The following LINGO1 variants were observed in gnomAD, a reference collection of about 807,000 sequenced individuals.
LINGO1 encodes leucine-rich repeat and immunoglobulin-like domain-containing nogo receptor-interacting protein 1.
LINGO1 carries 11 observed loss-of-function variants against 37.3 expected under a neutral mutation model. That is an observed-to-expected ratio of 0.29 (90% CI 0.19 to 0.49). The LOEUF is 0.49. LINGO1 is among the 20% of genes least tolerant of loss of function. LINGO1 has a pLI of 0.99. For missense variants in LINGO1, 585 were observed against 878.2 expected (o/e 0.67, Z 4.22); for synonymous variants, 387 against 403.0 (o/e 0.96, Z 0.48).
chr15:77,694,408 G>A (rs868358347), intron 1 of LINGO1, among the ~76,000 whole-genome samples: 5 of 152,110 alleles, frequency 3.3e-5, no homozygotes, highest in East Asian at 1.9e-4. Flanking sequence ...CAGATTCTCC[G>A]TGGCCTCACA....
In LINGO1 at chr15:77,614,058, T is replaced by C. The variant is rs1001008204; in HGVS notation, c.1849A>G (p.Met617Val). 2 of 1,592,036 alleles carry C rather than the reference T, an allele frequency of 1.3e-6. No homozygotes were observed. The highest frequency in any genetic ancestry group is 1.7e-6 in the Non-Finnish European group (2 of 1,168,986). The change falls in exon 2 of 2, where the codon ATG becomes GTG. Residue 617 changes from methionine to valine, a missense_variant. Physicochemically the swap from Met to Val is conservative, Grantham distance 21. Around this residue, in one of 4 missense-constraint regions of LINGO1, gnomAD observed 34 missense variants for 62.0 expected, o/e 0.55. Transcript: ENST00000355300. The stretch of plus-strand genomic sequence containing the variant: ...CCGCCCCGGCCTCATATCATCTTCA[T>C]GTTGAACTTGCGGGGCGCGTCGGCG... ...SSADAPRKFN[M>V]KMI
chr15:77,634,414 T>TAG, upstream of LINGO1: 1 of 448,440 alleles, frequency 2.2e-6, no homozygotes, highest in Non-Finnish European at 4.5e-6. Flanking sequence ...CTAGAGTCCC[T>TAG]CCTAGCAGGC....
intron 3 of LINGO1, chr15:77,648,152 A>G (rs2074678382): frequency 3.0e-6 from 1 of 337,804 alleles, no homozygotes. Flanking sequence ...AGATGAGGAG[A>G]CTGAGTCCCA....
At chr15:77,758,464 G>C (rs1438585235) in intron 1 of LINGO1, among the ~76,000 whole-genome samples, 1 of 152,148 alleles carries the variant, frequency 6.6e-6, no homozygotes, top group Non-Finnish European at 1.5e-5. Flanking sequence ...TCTGAGAGGA[G>C]AATGGCCAAG....
At chr15:77,782,774 A>G (rs1297822173) in intron 1 of LINGO1, among the ~76,000 whole-genome samples, 3 of 150,346 alleles carry the variant, frequency 2.0e-5, no homozygotes, top group African/African-American at 7.4e-5. Flanking sequence ...GGGTCCCTGC[A>G]CCCACCTCCC....
intron 3 of LINGO1, among the ~76,000 whole-genome samples, chr15:77,639,973 C>T (rs2074468862): frequency 6.6e-6 from 1 of 152,184 alleles, no homozygotes; most frequent in Non-Finnish European, 1.5e-5. Flanking sequence ...GCAACCCGCT[C>T]AATCCTCTCA....
chr15:77,714,943 C>T (rs1035915980), intron 2 of LINGO1, among the ~76,000 whole-genome samples: 2 of 152,216 alleles, frequency 1.3e-5, no homozygotes, highest in Non-Finnish European at 2.9e-5. Flanking sequence ...TTAGCCATAA[C>T]GTGCTAAAAT....
At chr15:77,776,472 G>GGCAGGAAGGCAGGAAGGCAGGAAA (rs2076644799) in intron 1 of LINGO1, among the ~76,000 whole-genome samples, 1 of 114,886 alleles carries the variant, frequency 8.7e-6, no homozygotes, top group African/African-American at 4.1e-5. Flanking sequence ...AAGGCAGGAA[G>GGCAGGAAGGCAGGAAGGCAGGAAA]GCAGGAAGGC....
intron 1 of LINGO1, among the ~76,000 whole-genome samples, chr15:77,616,472 C>T (rs760347822): frequency 6.6e-6 from 1 of 152,214 alleles, no homozygotes; most frequent in Non-Finnish European, 1.5e-5. Context: ...CCGGTGCAGA[C>T]GCCATGCCCC....
At chr15:77,662,745 G>A (rs894595787) in intron 3 of LINGO1, among the ~76,000 whole-genome samples, 6 of 152,192 alleles carry the variant, frequency 3.9e-5, no homozygotes, top group Non-Finnish European at 5.9e-5. Context: ...CTTTGAAGTC[G>A]ATGGACTGAC....
chr15:77,636,180 C>T (rs2074392549), upstream of LINGO1, among the ~76,000 whole-genome samples: 1 of 152,148 alleles, frequency 6.6e-6, no homozygotes. Flanking sequence ...TAATGTTAGT[C>T]CTGCTCTCCT....
chr15:77,651,060 G>A (rs564364372), intron 3 of LINGO1, among the ~76,000 whole-genome samples: 7 of 152,104 alleles, frequency 4.6e-5, no homozygotes, highest in South Asian at 2.1e-4. Context: ...AAATCCTGAC[G>A]GGAAAAAAAG....
chr15:77,743,668 G>A (rs1200557819), intron 1 of LINGO1, among the ~76,000 whole-genome samples: 1 of 152,156 alleles, frequency 6.6e-6, no homozygotes, highest in African/African-American at 2.4e-5. Flanking sequence ...TCGTGTTCAG[G>A]GCTGGCTGGG....
At chr15:77,792,673 C>T (rs1041000954) in intron 2 of LINGO1, among the ~76,000 whole-genome samples, 8 of 152,238 alleles carry the variant, frequency 5.3e-5, no homozygotes, top group African/African-American at 1.9e-4. Flanking sequence ...GCATTTATTA[C>T]TCCCTAATCT....
At chr15:77,792,208 G>A (rs915686926) in intron 2 of LINGO1, among the ~76,000 whole-genome samples, 4 of 152,068 alleles carry the variant, frequency 2.6e-5, no homozygotes, top group African/African-American at 7.2e-5. Flanking sequence ...TCCAGTGCCC[G>A]CCCCATTCCC....
At chr15:77,657,093 C>T (rs1024883593) in intron 3 of LINGO1, among the ~76,000 whole-genome samples, 1 of 152,218 alleles carries the variant, frequency 6.6e-6, no homozygotes, top group South Asian at 2.1e-4. Context: ...ATTTCCATGA[C>T]ATATAAAATG....
chr15:77,687,695 A>C (rs2075535959), intron 2 of LINGO1, among the ~76,000 whole-genome samples: 1 of 152,224 alleles, frequency 6.6e-6, no homozygotes, highest in Admixed American at 6.5e-5. Context: ...TTATCCACCC[A>C]CTGCCACCCA....
chr15:77,790,708 G>C (rs1040617065), upstream of LINGO1, among the ~76,000 whole-genome samples: 1 of 152,188 alleles, frequency 6.6e-6, no homozygotes, highest in African/African-American at 2.4e-5. Flanking sequence ...TGGGTTTGGG[G>C]GGGTGGAAAA....
chr15:77,716,423 G>T (rs2075986024), intron 2 of LINGO1, among the ~76,000 whole-genome samples: 1 of 149,064 alleles, frequency 6.7e-6, no homozygotes, highest in South Asian at 2.2e-4. Flanking sequence ...TAGGACTACA[G>T]GTGTGCACCA....
Sources: gnomAD v4.1 joint callset for allele counts (sites outside exome capture counted in the v4.1 genomes callset) on GRCh38, gnomAD v4.1.1 for gene constraint, gnomAD v4.1.1 regional missense constraint, MANE v1.5 for transcripts, NCBI Gene and HGNC (gene_info 2026-07-23, HGNC 2026-07-21) for gene names.